Variants in TXLNA observed in about 807,000 individuals in gnomAD.
The protein encoded by TXLNA is taxilin alpha.
TXLNA carries 9 observed loss-of-function variants against 61.4 expected under a neutral mutation model. That is an observed-to-expected ratio of 0.15 (90% CI 0.09 to 0.26). TXLNA has a LOEUF of 0.26. TXLNA is among the 10% of genes least tolerant of loss of function. The pLI, the probability that TXLNA is intolerant of heterozygous loss-of-function variation, is 1.00. For missense variants in TXLNA, 565 were observed against 688.8 expected, an observed-to-expected ratio of 0.82 and a Z score of 2.01; for synonymous variants, 257 against 267.7, an observed-to-expected ratio of 0.96 and a Z score of 0.39.
At chr1:32,185,382 GTATGTATT>G (rs1322737616) in intron 4 of TXLNA, among the ~76,000 whole-genome samples, 122 of 148,942 alleles carry the variant, frequency 8.2e-4, no homozygotes, top group African/African-American at 2.9e-3. Flanking sequence ...ATGTATGTAT[GTATGTATT>G]TATTTATTTA....
intron 5 of TXLNA, among the ~76,000 whole-genome samples, chr1:32,189,234 A>T (rs904139614): frequency 5.3e-5 from 8 of 152,196 alleles, no homozygotes; most frequent in African/African-American, 1.9e-4. Flanking sequence ...TATCTGTAGG[A>T]TAAGTCATGG....
rs75578755 is a variant in TXLNA at position 32,191,590 on chromosome 1, G to A, written c.964-721G>A. 1.4e-3 allele frequency among the ~76,000 whole-genome samples: 208 copies of A among 152,230 alleles called. 1 individual carries two copies. Among genetic ancestry groups the A allele is most frequent in the African/African-American group, 4.3e-3 (180 of 41,520 alleles). On this transcript the variant is annotated intron_variant, in intron 6 of 10. Coordinates refer to ENST00000373610, the MANE Select transcript of TXLNA (RefSeq NM_175852.4). ...GGCAAAAAAGGACTTAGTACTACCT[G>A]TGGAGAAGGAGGTGCAGGACTACCA...
chr1:32,180,423 A>T lies in TXLNA; in HGVS notation c.78A>T (p.Gly26=). 1.2e-6 allele frequency: 2 copies of T among 1,613,986 alleles called. No individual in the cohort carries two copies. The highest frequency in any genetic ancestry group is 1.3e-5 in the African/African-American group (1 of 75,068). ...GCAGCCCAGGACAACCGGAAGCAGG[A>T]CCCGAGGGAGCCCAGGAGCGGCCCA... The part of the protein sequence containing the change: ...PKSSPGQPEA[G]PEGAQERPSQ... Residue 26 remains glycine, a synonymous_variant, in exon 2 of 11, where the codon GGA becomes GGT. Coordinates refer to ENST00000373610, the MANE Select transcript of TXLNA (RefSeq NM_175852.4).
At chr1:32,188,398 G>A (rs1265222316) in intron 5 of TXLNA, among the ~76,000 whole-genome samples, 1 of 152,190 alleles carries the variant, frequency 6.6e-6, no homozygotes, top group Non-Finnish European at 1.5e-5. Context: ...CAACACTTTG[G>A]GAGGCTGAGG....
chr1:32,193,070 T>C, intron 8 of TXLNA, 138 bp from the exon 9 acceptor site: 1 of 658,810 alleles, frequency 1.5e-6, no homozygotes. Context: ...TCCAAATATA[T>C]AGCTTTGCTT....
chr1:32,187,914 C>T (rs1467397586), intron 4 of TXLNA, 40 bp from the exon 5 acceptor site: 2 of 1,600,252 alleles, frequency 1.2e-6, no homozygotes, highest in Admixed American at 3.4e-5. Context: ...CAGGAAGGCC[C>T]CACAAGATGC....
chr1:32,188,232 C>A, intron 5 of TXLNA, 108 bp downstream of exon 5: 1 of 1,165,230 alleles, frequency 8.6e-7, no homozygotes, highest in Non-Finnish European at 1.2e-6. Flanking sequence ...GGGCCAGGCG[C>A]AGTGGCACAC....
chr1:32,192,934 T>G lies in TXLNA; in HGVS notation c.1158+203T>G, dbSNP rs1325662756. The stretch of plus-strand genomic sequence containing the variant: ...TTAGGTGGGCTCAGAGGACTTCATT[T>G]GTAGCTCAGAAATGTATTGCTTTTG... On this transcript the variant is annotated intron_variant, in intron 8 of 10. Transcript: ENST00000373610. This position sits in a 1 kb window ranked among gnomAD's most constrained non-coding sequence, Gnocchi z 4.2. Among the ~76,000 whole-genome samples, 2 of 152,140 alleles carry G rather than the reference T, an allele frequency of 1.3e-5. No individual in the cohort carries two copies. The highest frequency in any genetic ancestry group is 4.8e-5 in the African/African-American group (2 of 41,422).
chr1:32,184,494 G>A, intron 3 of TXLNA, 31 bp from the exon 4 acceptor site: 1 of 1,471,048 alleles, frequency 6.8e-7, no homozygotes, highest in Non-Finnish European at 9.5e-7. Flanking sequence ...CTGGAGAAGA[G>A]GGTGCATGTC....
rs201914528 is a variant in TXLNA at position 32,195,032 on chromosome 1, A to C, written c.1478A>C (p.Gln493Pro). 1.9e-6 allele frequency: 3 copies of C among 1,614,062 alleles called. No homozygotes were observed. The African/African-American group carries it at 4.0e-5, about 22-fold the overall frequency. Residue 493 changes from glutamine to proline, a missense_variant, in exon 11 of 11, where the codon CAG becomes CCG. Coordinates refer to ENST00000373610, the MANE Select transcript of TXLNA (RefSeq NM_175852.4). Reference protein sequence around the residue: ...KRVQDLSAGGQGSLTDSGPER... With the variant: ...KRVQDLSAGGPGSLTDSGPER... ...GTACAGGACCTGAGTGCTGGTGGCC[A>C]GGGCTCCCTCACTGACAGTGGCCCT...
At position 32,194,885 on chromosome 1, in the gene TXLNA, C is replaced by G; in HGVS notation, c.1348-17C>G. On this transcript the variant is annotated splice_polypyrimidine_tract_variant and intron_variant, in intron 10 of 10. Transcript: ENST00000373610. Reference sequence around the variant, plus strand: ...GTTGATGGGGCACGGCACTGAAGGTCTCATTTCTTTCCCTAGAAAACAGTC... The same window carrying G: ...GTTGATGGGGCACGGCACTGAAGGTGTCATTTCTTTCCCTAGAAAACAGTC... The G allele has an allele frequency of 2.5e-6, 4 of 1,588,566 alleles. No individual in the cohort carries two copies.
At chr1:32,194,245 G>T (rs1642966717) in intron 10 of TXLNA, 85 bp downstream of exon 10, 1 of 1,086,018 alleles carries the variant, frequency 9.2e-7, no homozygotes, top group South Asian at 1.3e-5. Flanking sequence ...ACCCATCAGT[G>T]ACACAGCTAG....
rs1159000850 is a variant in TXLNA at position 32,188,088 on chromosome 1, A to G, written c.732A>G (p.Leu244=). The G allele has an allele frequency of 1.9e-6, 3 of 1,582,078 alleles. No individual in the cohort carries two copies. The highest frequency in any genetic ancestry group is 1.7e-6 in the Non-Finnish European group (2 of 1,163,386). The change falls in exon 5 of 11, where the codon CTA becomes CTG. Residue 244 remains leucine, a synonymous_variant. Coordinates refer to ENST00000373610, the MANE Select transcript of TXLNA (RefSeq NM_175852.4). The part of the protein sequence containing the change: ...AVLARSKLES[L]CRELQRHNRS... ...TGGCCCGCAGCAAGCTTGAGAGCCT[A>G]TGCCGTGAGCTGCAGCGGCACAACC...
intron 5 of TXLNA, among the ~76,000 whole-genome samples, chr1:32,188,815 C>T (rs376346601): frequency 9.2e-5 from 14 of 152,128 alleles, no homozygotes; most frequent in African/African-American, 3.4e-4. Flanking sequence ...AATGACAGTC[C>T]CCTGGTAAGC....
chr1:32,189,541 CTT>C (rs760315096), intron 5 of TXLNA, among the ~76,000 whole-genome samples: 11 of 143,858 alleles, frequency 7.6e-5, no homozygotes, highest in Admixed American at 7.0e-5. Flanking sequence ...TTTTTTCTTC[CTT>C]TTTTTTTTTT....
chr1:32,180,316 T>A lies in TXLNA; in HGVS notation c.-30T>A, dbSNP rs1241407482. On this transcript the variant is annotated splice_region_variant and 5_prime_UTR_variant, in exon 2 of 11. Coordinates refer to ENST00000373610, the MANE Select transcript of TXLNA (RefSeq NM_175852.4). ...AGCAACTGTGTTTGTTTCTAAAGGATCTTCTCCTGACCCAGCATCGCTCAT... is the reference window on the plus strand; with the variant it reads ...AGCAACTGTGTTTGTTTCTAAAGGAACTTCTCCTGACCCAGCATCGCTCAT... 1 of 1,574,680 alleles carries A rather than the reference T, an allele frequency of 6.4e-7. No individual in the cohort carries two copies. The highest frequency in any genetic ancestry group is 2.3e-5 in the East Asian group (1 of 44,230).
chr1:32,194,814 A>T (rs890621150), intron 10 of TXLNA, 88 bp from the exon 11 acceptor site: 53 of 1,477,736 alleles, frequency 3.6e-5, no homozygotes, highest in Non-Finnish European at 4.8e-5. Context: ...GTCTGCTCTC[A>T]GCCTTGTTAA....
chr1:32,193,524 G>T (rs1417447832), intron 9 of TXLNA, among the ~76,000 whole-genome samples: 1 of 146,388 alleles, frequency 6.8e-6, no homozygotes, highest in African/African-American at 2.6e-5. Flanking sequence ...TTTTTTGGGG[G>T]GTTTGTTGTT....
chr1:32,181,187 C>T, intron 2 of TXLNA, 55 bp from the exon 3 acceptor site: 1 of 1,419,350 alleles, frequency 7.0e-7, no homozygotes, highest in Middle Eastern at 2.3e-4. Flanking sequence ...AAAATCCCAA[C>T]CAGTGGTATA....
Sources: gnomAD v4.1 joint callset for allele counts (sites outside exome capture counted in the v4.1 genomes callset) on GRCh38, gnomAD v4.1.1 for gene constraint, Gnocchi (gnomAD v3.1) non-coding constraint, MANE v1.5 for transcripts, NCBI Gene and HGNC (gene_info 2026-07-23, HGNC 2026-07-21) for gene names.